RNF180: variants seen among roughly 807,000 people sequenced by gnomAD.
RNF180 encodes ring finger protein 180, also known as E3 ubiquitin-protein ligase RNF180.
In RNF180, 38 loss-of-function variants were observed where a neutral mutation model predicts 59.2. The ratio of observed to expected loss-of-function variants is 0.64; its 90% CI spans 0.50 to 0.84. The LOEUF is 0.84. Among genes scored for constraint, RNF180 ranks in the 40% least tolerant of loss-of-function variants. The pLI, the probability that RNF180 is intolerant of heterozygous loss-of-function variation, is 0.00. For synonymous variants in RNF180, 262 were observed against 240.3 expected, an observed-to-expected ratio of 1.09 and a Z score of -0.84; for missense variants, 705 against 700.9, an observed-to-expected ratio of 1.01 and a Z score of -0.07.
intron 7 of RNF180, among the ~76,000 whole-genome samples, chr5:64,346,227 C>G (rs1745547372): frequency 6.6e-6 from 1 of 150,948 alleles, no homozygotes; most frequent in African/African-American, 2.4e-5. Context: ...CCAAGGTCCT[C>G]AACTCACATT....
intron 1 of RNF180, among the ~76,000 whole-genome samples, chr5:64,182,776 A>G (rs1166906772): frequency 1.3e-5 from 2 of 152,216 alleles, no homozygotes; most frequent in Admixed American, 6.5e-5. Flanking sequence ...AAGCAAAGAA[A>G]AAGTTTAAAG....
At chr5:64,242,119 T>C in intron 5 of RNF180, among the ~76,000 whole-genome samples, 1 of 152,172 alleles carries the variant, frequency 6.6e-6, no homozygotes, top group East Asian at 1.9e-4. Flanking sequence ...TGCTATGCTG[T>C]TTACATCTGT....
chr5:64,231,086 A>G (rs1025910059), intron 5 of RNF180, among the ~76,000 whole-genome samples: 2 of 152,232 alleles, frequency 1.3e-5, no homozygotes, highest in Non-Finnish European at 2.9e-5. Context: ...CTGAAAAGAG[A>G]AAGCTGCATG....
At chr5:64,261,774 G>C (rs568294101) in intron 5 of RNF180, among the ~76,000 whole-genome samples, 94 of 152,220 alleles carry the variant, frequency 6.2e-4, no homozygotes, top group Non-Finnish European at 1.2e-3. Context: ...ACAACCAAAG[G>C]CTATTTATTC....
intron 5 of RNF180, among the ~76,000 whole-genome samples, chr5:64,252,061 C>T (rs1156678153): frequency 6.6e-6 from 1 of 152,080 alleles, no homozygotes; most frequent in Non-Finnish European, 1.5e-5. Flanking sequence ...TTATATGAAA[C>T]TAGAAAAGAT....
intron 5 of RNF180, among the ~76,000 whole-genome samples, chr5:64,236,748 C>G (rs546348726): frequency 6.6e-6 from 1 of 152,240 alleles, no homozygotes; most frequent in African/African-American, 2.4e-5. Flanking sequence ...GGCTTCAGGC[C>G]TTGATGTCCT....
At chr5:64,277,815 A>G (rs1741808707) in intron 5 of RNF180, among the ~76,000 whole-genome samples, 1 of 152,172 alleles carries the variant, frequency 6.6e-6, no homozygotes, top group Non-Finnish European at 1.5e-5. Context: ...GGAAATCAAA[A>G]GCTTACACAG....
At chr5:64,188,604 A>G (rs975377809) in intron 1 of RNF180, among the ~76,000 whole-genome samples, 1 of 152,184 alleles carries the variant, frequency 6.6e-6, no homozygotes, top group Non-Finnish European at 1.5e-5. Flanking sequence ...AAGTTTTAAG[A>G]AAGATATTGA....
chr5:64,336,420 C>G (rs1305510514), intron 7 of RNF180, among the ~76,000 whole-genome samples: 1 of 152,178 alleles, frequency 6.6e-6, no homozygotes, highest in Non-Finnish European at 1.5e-5. Context: ...TTCCAACTCT[C>G]TGCCACAATA....
chr5:64,260,575 A>G (rs771365932), intron 5 of RNF180, among the ~76,000 whole-genome samples: 1 of 152,124 alleles, frequency 6.6e-6, no homozygotes, highest in Non-Finnish European at 1.5e-5. Flanking sequence ...CAATCCCTCA[A>G]TTCCTTTCAG....
At chr5:64,349,551 G>C (rs900087333) in intron 7 of RNF180, among the ~76,000 whole-genome samples, 1 of 151,612 alleles carries the variant, frequency 6.6e-6, no homozygotes, top group Non-Finnish European at 1.5e-5. Context: ...ATTTACATTA[G>C]GTATATCTCC....
At chr5:64,235,722 A>C (rs1419249086) in intron 5 of RNF180, among the ~76,000 whole-genome samples, 1 of 152,080 alleles carries the variant, frequency 6.6e-6, no homozygotes, top group African/African-American at 2.4e-5. Context: ...AGGTGATTGG[A>C]TAATGGGAGT....
At chr5:64,300,622 T>C (rs1426432721) in intron 5 of RNF180, among the ~76,000 whole-genome samples, 1 of 151,722 alleles carries the variant, frequency 6.6e-6, no homozygotes, top group African/African-American at 2.4e-5. Context: ...GGGACTACTA[T>C]ACATTGTTCA....
At position 64,369,615 on chromosome 5, in the gene RNF180, G is replaced by T. The variant is rs1746587078; in HGVS notation, c.1580G>T (p.Gly527Val). The T allele has an allele frequency of 6.6e-7, 1 of 1,506,382 alleles. No homozygotes were observed. The highest frequency in any genetic ancestry group is 8.8e-7 in the Non-Finnish European group (1 of 1,130,344). 93.3% of individuals were successfully genotyped at this position (1,506,382 alleles called of 1,614,324 possible). A position where few individuals can be genotyped will look rare whatever the true frequency, so the allele number is the denominator to read the frequency against. The change falls in exon 8 of 8, where the codon GGT becomes GTT. Residue 527 changes from glycine (G) to valine (V), a missense_variant and splice_region_variant. By Grantham distance (109) the Gly-to-Val change is moderately radical (BLOSUM62 -3). Transcript: ENST00000389100. Reference sequence around the variant, plus strand: ...TTTAATATGTTCATACATCTTCTAGGTTTCCGCAGACATGCAGCTCCAGTT... The same window carrying T: ...TTTAATATGTTCATACATCTTCTAGTTTTCCGCAGACATGCAGCTCCAGTT... ...SCRKAFHLFG[G>V]FRRHAAPVTR...
chr5:64,369,269 A>G (rs970545791), intron 7 of RNF180, among the ~76,000 whole-genome samples: 1 of 151,964 alleles, frequency 6.6e-6, no homozygotes, highest in Non-Finnish European at 1.5e-5. Context: ...GTGAGAACAC[A>G]TGGACACAGG....
intron 5 of RNF180, among the ~76,000 whole-genome samples, chr5:64,228,375 A>G (rs544399419): frequency 4.9e-4 from 75 of 152,188 alleles, no homozygotes; most frequent in Non-Finnish European, 8.8e-4. Flanking sequence ...TTAGCTGGGC[A>G]TGGTTATGCA....
intron 1 of RNF180, among the ~76,000 whole-genome samples, chr5:64,197,267 T>C (rs750971209): frequency 6.6e-5 from 10 of 152,212 alleles, no homozygotes; most frequent in Non-Finnish European, 1.0e-4. Flanking sequence ...AAGAATGTTA[T>C]TGAGAAGTAA....
intron 5 of RNF180, among the ~76,000 whole-genome samples, chr5:64,310,996 A>G (rs758001975): frequency 2.6e-5 from 4 of 151,968 alleles, no homozygotes; most frequent in Non-Finnish European, 5.9e-5. Flanking sequence ...GTAAATGGAT[A>G]GTAATACACT....
intron 5 of RNF180, among the ~76,000 whole-genome samples, chr5:64,278,602 A>G (rs1267743940): frequency 6.6e-6 from 1 of 152,206 alleles, no homozygotes; most frequent in Non-Finnish European, 1.5e-5. Flanking sequence ...GAAAGAGATA[A>G]TAATGGAAGA....
Sources: gnomAD v4.1 joint callset for allele counts (sites outside exome capture counted in the v4.1 genomes callset) on GRCh38, gnomAD v4.1.1 for gene constraint, MANE v1.5 for transcripts, NCBI Gene and HGNC (gene_info 2026-07-23, HGNC 2026-07-21) for gene names.